Variants in OR2L13 observed in about 807,000 individuals in gnomAD.
OR2L13 encodes olfactory receptor family 2 subfamily L member 13, also known as olfactory receptor 2L13.
Under a neutral mutation model 15.3 loss-of-function variants are expected in OR2L13, and 14 were observed. That is an observed-to-expected ratio of 0.91 (90% CI 0.60 to 1.43). The LOEUF is 1.43. OR2L13 is among the 40% of genes most tolerant of loss of function. OR2L13 has a pLI of 0.00. For synonymous variants in OR2L13, 152 were observed against 142.9 expected (o/e 1.06, Z -0.45); for missense variants, 367 against 387.9 (o/e 0.95, Z 0.45).
the OR2L13 span, among the ~76,000 whole-genome samples, chr1:248,083,170 T>G: frequency 0.09 from 13,697 of 152,126 alleles, 828 homozygotes; most frequent in African/African-American, 0.17. Flanking sequence ...ATAATGTGAT[T>G]TGTCTTTGGT....
the OR2L13 span, among the ~76,000 whole-genome samples, chr1:248,026,498 T>C: frequency 6.6e-6 from 1 of 152,182 alleles, no homozygotes; most frequent in Non-Finnish European, 1.5e-5. Flanking sequence ...AGCCTTCCAG[T>C]GAAAGTCCCA....
the OR2L13 span, among the ~76,000 whole-genome samples, chr1:248,014,522 G>T: frequency 2.6e-5 from 4 of 151,954 alleles, no homozygotes; most frequent in Non-Finnish European, 5.9e-5. Context: ...TGAAATAATA[G>T]AAATATTATT....
chr1:248,029,347 G>A, the OR2L13 span: 1 of 152,038 alleles, frequency 6.6e-6, no homozygotes. Context: ...AATTAAAAAT[G>A]AAGAAATATT....
At chr1:248,005,313 A>G in the OR2L13 span, among the ~76,000 whole-genome samples, 1 of 152,152 alleles carries the variant, frequency 6.6e-6, no homozygotes, top group Non-Finnish European at 1.5e-5. Flanking sequence ...ATTATATATT[A>G]CTATTATAGT....
chr1:248,090,439 C>T (rs1664568957), upstream of OR2L13, among the ~76,000 whole-genome samples: 1 of 152,106 alleles, frequency 6.6e-6, no homozygotes, highest in Admixed American at 6.6e-5. Flanking sequence ...CATTGTCTCT[C>T]ACCTTCCACC....
chr1:247,964,510 T>A, the OR2L13 span, among the ~76,000 whole-genome samples: 1 of 152,180 alleles, frequency 6.6e-6, no homozygotes, highest in African/African-American at 2.4e-5. Flanking sequence ...ATCCACACAA[T>A]TTTTCTGTGT....
At chr1:248,076,887 G>A in the OR2L13 span, among the ~76,000 whole-genome samples, 1 of 152,194 alleles carries the variant, frequency 6.6e-6, no homozygotes, top group African/African-American at 2.4e-5. Context: ...ATGTTGAATA[G>A]GAGTGGTGAG....
At chr1:248,029,674 C>T in the OR2L13 span, among the ~76,000 whole-genome samples, 1 of 152,062 alleles carries the variant, frequency 6.6e-6, no homozygotes, top group Non-Finnish European at 1.5e-5. Flanking sequence ...TAACCTCGTT[C>T]TATTTTAGTG....
At chr1:248,021,931 G>A in the OR2L13 span, 2 of 1,594,748 alleles carry the variant, frequency 1.3e-6, no homozygotes, top group Non-Finnish European at 1.7e-6. Context: ...CTTCAGGAAG[G>A]ATCGTATGAA....
the OR2L13 span, among the ~76,000 whole-genome samples, chr1:248,069,498 C>G: frequency 6.6e-6 from 1 of 152,106 alleles, no homozygotes; most frequent in Non-Finnish European, 1.5e-5. Flanking sequence ...AAGGAACAAC[C>G]GGTACTAGCC....
the OR2L13 span, among the ~76,000 whole-genome samples, chr1:247,973,169 C>T: frequency 6.6e-6 from 1 of 152,128 alleles, no homozygotes; most frequent in African/African-American, 2.4e-5. Flanking sequence ...TACCCAATGT[C>T]ACACTGAATG....
At chr1:248,018,012 T>A in the OR2L13 span, among the ~76,000 whole-genome samples, 1 of 151,768 alleles carries the variant, frequency 6.6e-6, no homozygotes, top group Non-Finnish European at 1.5e-5. Context: ...AAAATTAGCC[T>A]GGCGTGGTGG....
At chr1:248,053,528 A>G in the OR2L13 span, among the ~76,000 whole-genome samples, 6 of 152,238 alleles carry the variant, frequency 3.9e-5, no homozygotes, top group South Asian at 2.1e-4. Context: ...AGGAATTGCC[A>G]CACTGTCTTC....
the OR2L13 span, among the ~76,000 whole-genome samples, chr1:247,945,780 G>A: frequency 1.3e-5 from 2 of 152,034 alleles, no homozygotes; most frequent in African/African-American, 4.8e-5. Flanking sequence ...GACCTTTGTT[G>A]GTTTGAAGTC....
At chr1:248,061,734 G>A in the OR2L13 span, 4 of 1,000,986 alleles carry the variant, frequency 4.0e-6, no homozygotes, top group Middle Eastern at 2.9e-4. Flanking sequence ...ATCAAGGTAA[G>A]AGAAAAAAAT....
At chr1:248,019,779 C>T in the OR2L13 span, among the ~76,000 whole-genome samples, 2 of 151,478 alleles carry the variant, frequency 1.3e-5, no homozygotes, top group East Asian at 3.9e-4. Flanking sequence ...TTGTCTTGTT[C>T]TGCTTCTTTC....
the OR2L13 span, among the ~76,000 whole-genome samples, chr1:248,052,584 A>G: frequency 6.6e-6 from 1 of 152,222 alleles, no homozygotes; most frequent in Non-Finnish European, 1.5e-5. Flanking sequence ...AAAAAAAATT[A>G]GCTGGGCGTG....
At chr1:247,959,140 G>A in the OR2L13 span, among the ~76,000 whole-genome samples, 1 of 152,020 alleles carries the variant, frequency 6.6e-6, no homozygotes, top group African/African-American at 2.4e-5. Context: ...CAGGCCTGGT[G>A]GTGACAAAAT....
chr1:247,970,289 GTAAC>G, the OR2L13 span, among the ~76,000 whole-genome samples: 3 of 152,056 alleles, frequency 2.0e-5, no homozygotes, highest in Admixed American at 1.3e-4. Flanking sequence ...GTATACGTAT[GTAAC>G]TAACCTGTAC....
Sources: allele counts gnomAD v4.1 joint callset (sites outside exome capture counted in the v4.1 genomes callset), GRCh38; gene constraint gnomAD v4.1.1; transcripts MANE v1.5; gene names NCBI Gene and HGNC (gene_info 2026-07-23, HGNC 2026-07-21).